Variants in MTSS1 observed in about 807,000 individuals in gnomAD.
The protein encoded by MTSS1 is MTSS I-BAR domain containing 1.
Under a neutral mutation model 79.0 loss-of-function variants are expected in MTSS1, and 18 were observed. The observed-to-expected ratio is 0.23, with a 90% confidence interval of 0.16 to 0.34. MTSS1 has a LOEUF of 0.34. Among genes scored for constraint, MTSS1 ranks in the 10% least tolerant of loss-of-function variants. MTSS1 has a pLI of 1.00. For synonymous variants in MTSS1, 341 were observed against 368.6 expected (o/e 0.93, Z 0.86); for missense variants, 815 against 986.2 (o/e 0.83, Z 2.33).
chr8:124,624,914 C>T (rs1281197626), intron 3 of MTSS1, among the ~76,000 whole-genome samples: 1 of 152,192 alleles, frequency 6.6e-6, no homozygotes, highest in Non-Finnish European at 1.5e-5. Context: ...TCCTGACACC[C>T]ATTGTCCTTG....
intron 11 of MTSS1, 148 bp from the exon 12 acceptor site, chr8:124,556,553 T>C: frequency 1.2e-6 from 1 of 846,642 alleles, no homozygotes; most frequent in South Asian, 1.8e-5. Flanking sequence ...CTGCATGCCC[T>C]CTCCAGGCTC....
intron 3 of MTSS1, among the ~76,000 whole-genome samples, chr8:124,690,683 T>TG (rs1190611469): frequency 6.6e-6 from 1 of 152,168 alleles, no homozygotes; most frequent in Non-Finnish European, 1.5e-5. Flanking sequence ...AGGCATCAGT[T>TG]TTTACATCAA....
intron 1 of MTSS1, among the ~76,000 whole-genome samples, chr8:124,716,861 A>G (rs1474208989): frequency 6.6e-6 from 1 of 152,084 alleles, no homozygotes; most frequent in East Asian, 1.9e-4. Flanking sequence ...GTTTTTTGGT[A>G]GGCTTTGGGT....
intron 1 of MTSS1, among the ~76,000 whole-genome samples, chr8:124,706,996 C>T (rs1830467568): frequency 6.6e-6 from 1 of 152,156 alleles, no homozygotes; most frequent in African/African-American, 2.4e-5. Context: ...CCTCTAAGAA[C>T]ACAAAGGCTC....
chr8:124,721,354 T>A (rs1239663380), intron 1 of MTSS1, among the ~76,000 whole-genome samples: 1 of 151,238 alleles, frequency 6.6e-6, no homozygotes, highest in Non-Finnish European at 1.5e-5. Context: ...TATTCTAAAA[T>A]CCTTTGTTGC....
At position 124,599,756 on chromosome 8, in the gene MTSS1, T is replaced by C. The variant is rs530192765; in HGVS notation, c.209-8521A>G. ...TCCTTGGCAGCTGTATTCCCATCTG[T>C]CTCCTCTTTCCCACACACTTGGATG... is the stretch of plus-strand genomic sequence containing the variant. On this transcript the variant is annotated intron_variant, in intron 3 of 13. Coordinates refer to ENST00000518547, the MANE Select transcript of MTSS1 (RefSeq NM_014751.6). Among the ~76,000 whole-genome samples the C allele has an allele frequency of 6.6e-5, 10 of 151,978 alleles. No homozygotes were observed. In the East Asian group the frequency reaches 1.9e-3, roughly 29 times the overall value.
At chr8:124,595,112 G>A (rs895478589) in intron 3 of MTSS1, among the ~76,000 whole-genome samples, 2 of 152,180 alleles carry the variant, frequency 1.3e-5, no homozygotes, top group Non-Finnish European at 2.9e-5. Flanking sequence ...GGCCCTATCT[G>A]GAGGCAGGAC....
intron 9 of MTSS1, among the ~76,000 whole-genome samples, chr8:124,563,795 C>T (rs891166981): frequency 1.3e-5 from 2 of 152,158 alleles, no homozygotes; most frequent in African/African-American, 4.8e-5. Context: ...TAATGACACA[C>T]CCGCTCTGGA....
chr8:124,635,723 G>A (rs965598332), intron 3 of MTSS1, among the ~76,000 whole-genome samples: 1 of 152,104 alleles, frequency 6.6e-6, no homozygotes, highest in South Asian at 2.1e-4. Context: ...CTCAATCACT[G>A]GTTGTGTGAG....
intron 3 of MTSS1, among the ~76,000 whole-genome samples, chr8:124,635,935 C>T (rs1469822950): frequency 6.6e-6 from 1 of 152,072 alleles, no homozygotes; most frequent in Admixed American, 6.6e-5. Flanking sequence ...ACACCAAGCA[C>T]CTGAACGAGT....
chr8:124,610,600 A>T (rs990623909), intron 3 of MTSS1, among the ~76,000 whole-genome samples: 1 of 152,234 alleles, frequency 6.6e-6, no homozygotes, highest in African/African-American at 2.4e-5. Context: ...ACATGACACC[A>T]GAATTTCTTC....
At chr8:124,566,032 A>G in intron 8 of MTSS1, 1 of 255,878 alleles carries the variant, frequency 3.9e-6, no homozygotes, top group Non-Finnish European at 7.5e-6. Flanking sequence ...AGAGAGGGAG[A>G]AATACAGTGA....
intron 3 of MTSS1, among the ~76,000 whole-genome samples, chr8:124,639,606 G>A (rs1817653693): frequency 6.6e-6 from 1 of 152,046 alleles, no homozygotes; most frequent in African/African-American, 2.4e-5. Context: ...TGGGATTACA[G>A]GCTGTGCCAC....
At chr8:124,613,983 G>T (rs765932218) in intron 3 of MTSS1, among the ~76,000 whole-genome samples, 1 of 152,042 alleles carries the variant, frequency 6.6e-6, no homozygotes, top group African/African-American at 2.4e-5. Context: ...ACAACACAGT[G>T]AGACCTCATT....
chr8:124,646,253 C>T (rs1012910362), intron 3 of MTSS1, among the ~76,000 whole-genome samples: 1 of 152,160 alleles, frequency 6.6e-6, no homozygotes, highest in African/African-American at 2.4e-5. Flanking sequence ...ATTTCAATGG[C>T]TGTGCCATCT....
intron 3 of MTSS1, among the ~76,000 whole-genome samples, chr8:124,653,695 G>C (rs911062815): frequency 2.0e-5 from 3 of 152,228 alleles, no homozygotes; most frequent in Non-Finnish European, 4.4e-5. Context: ...GTGCGCTCCA[G>C]CCTGGGCAAC....
Position 124,683,494 on chromosome 8 carries a change from C to T in MTSS1, c.208+16032G>A, listed in dbSNP as rs553885025. On this transcript the variant is annotated intron_variant, in intron 3 of 13. Coordinates refer to ENST00000518547, the MANE Select transcript of MTSS1 (RefSeq NM_014751.6). The surrounding 1 kb of genome is among the most constrained non-coding windows in gnomAD (Gnocchi z 4.5). ...CCAAGAGTGCCAGCTTCTCTGACAC[C>T]CTGGAAAGGAACTCAGAAACACAGG... 3.3e-5 allele frequency among the ~76,000 whole-genome samples: 5 copies of T among 152,216 alleles called. No individual in the cohort carries two copies. The South Asian group carries it at 8.3e-4, about 25-fold the overall frequency.
chr8:124,567,760 A>G, intron 7 of MTSS1: 1 of 1,525,800 alleles, frequency 6.6e-7, no homozygotes, highest in Middle Eastern at 1.7e-4. Context: ...GATCCATGGA[A>G]AAGTTCTGTG....
At chr8:124,557,550 G>C in intron 11 of MTSS1, 131 bp downstream of exon 11, 1 of 986,424 alleles carries the variant, frequency 1.0e-6, no homozygotes, top group East Asian at 2.7e-5. Flanking sequence ...CTGAGGGAGA[G>C]GCATTATGGG....
Sources: allele counts gnomAD v4.1 joint callset (sites outside exome capture counted in the v4.1 genomes callset), GRCh38; gene constraint gnomAD v4.1.1; non-coding constraint Gnocchi (gnomAD v3.1); transcripts MANE v1.5; gene names NCBI Gene and HGNC (gene_info 2026-07-23, HGNC 2026-07-21).